The following SHISA9 variants were observed in gnomAD, a reference collection of about 807,000 sequenced individuals.
SHISA9 encodes shisa family member 9.
Under a neutral mutation model 38.0 loss-of-function variants are expected in SHISA9, and 13 were observed. That is an observed-to-expected ratio of 0.34 (90% CI 0.22 to 0.54). The LOEUF is 0.54. SHISA9 is among the 20% of genes least tolerant of loss of function. The probability of loss-of-function intolerance (pLI) is 0.91; values close to 1 mark genes in which losing one functional copy is unlikely to be tolerated. For missense variants in SHISA9, 538 were observed against 575.8 expected, an observed-to-expected ratio of 0.93 and a Z score of 0.67; for synonymous variants, 275 against 242.0, an observed-to-expected ratio of 1.14 and a Z score of -1.27.
intron 2 of SHISA9, among the ~76,000 whole-genome samples, chr16:13,052,266 G>C (rs1303748369): frequency 1.3e-5 from 2 of 152,186 alleles, no homozygotes; most frequent in African/African-American, 2.4e-5. Flanking sequence ...TAGTGATTTA[G>C]AGACATTTTC....
chr16:13,324,598 C>A, the SHISA9 span, among the ~76,000 whole-genome samples: 1 of 152,058 alleles, frequency 6.6e-6, no homozygotes, highest in African/African-American at 2.4e-5. Context: ...GCCTTGGTAG[C>A]ACAAACCTCT....
chr16:13,140,868 G>C (rs900932777), intron 2 of SHISA9, among the ~76,000 whole-genome samples: 1 of 152,160 alleles, frequency 6.6e-6, no homozygotes, highest in African/African-American at 2.4e-5. Context: ...GAGACTGGAT[G>C]TACAAAGTCA....
intron 2 of SHISA9, among the ~76,000 whole-genome samples, chr16:13,149,861 G>T (rs1368365896): frequency 1.3e-5 from 2 of 149,860 alleles, no homozygotes; most frequent in African/African-American, 4.9e-5. Flanking sequence ...GGAAGCAGAG[G>T]TTGCAGTGAG....
the SHISA9 span, among the ~76,000 whole-genome samples, chr16:13,518,253 G>A: frequency 6.6e-6 from 1 of 151,958 alleles, no homozygotes; most frequent in Non-Finnish European, 1.5e-5. Flanking sequence ...ACCTCCAAAT[G>A]CTCTCGGTGG....
the SHISA9 span, among the ~76,000 whole-genome samples, chr16:13,270,507 T>C: frequency 6.6e-6 from 1 of 152,198 alleles, no homozygotes; most frequent in African/African-American, 2.4e-5. Context: ...TATTTACAAT[T>C]AAATTGCATT....
chr16:13,104,542 T>C (rs1031759095), intron 2 of SHISA9, among the ~76,000 whole-genome samples: 4 of 152,210 alleles, frequency 2.6e-5, no homozygotes, highest in Non-Finnish European at 2.9e-5. Flanking sequence ...AATACTGATA[T>C]CTGCTACAAC....
chr16:13,222,083 G>C (rs1426341264), intron 4 of SHISA9, among the ~76,000 whole-genome samples: 1 of 152,040 alleles, frequency 6.6e-6, no homozygotes, highest in African/African-American at 2.4e-5. Context: ...GTGTGTGCAG[G>C]GGAACTCCCC....
chr16:13,523,945 GTAC>G, the SHISA9 span, among the ~76,000 whole-genome samples: 2 of 152,168 alleles, frequency 1.3e-5, no homozygotes, highest in African/African-American at 2.4e-5. Context: ...TAAGAGGAAA[GTAC>G]TACTATTATT....
intron 2 of SHISA9, among the ~76,000 whole-genome samples, chr16:12,939,783 C>T (rs889372834): frequency 6.6e-6 from 1 of 152,186 alleles, no homozygotes; most frequent in Admixed American, 6.5e-5. Flanking sequence ...TGGCATATAC[C>T]TGCTGTAGAT....
At chr16:13,427,525 A>G in the SHISA9 span, among the ~76,000 whole-genome samples, 2 of 152,226 alleles carry the variant, frequency 1.3e-5, no homozygotes, top group Admixed American at 1.3e-4. Flanking sequence ...TTAAAAAAGA[A>G]AAAAACAAAG....
At chr16:12,951,696 T>C (rs1411088598) in intron 2 of SHISA9, among the ~76,000 whole-genome samples, 2 of 152,154 alleles carry the variant, frequency 1.3e-5, no homozygotes, top group African/African-American at 2.4e-5. Context: ...GTGTCCTCTA[T>C]AGTTCAATTT....
chr16:13,508,709 TAAGAG>T, the SHISA9 span, among the ~76,000 whole-genome samples: 1 of 152,202 alleles, frequency 6.6e-6, no homozygotes, highest in Non-Finnish European at 1.5e-5. Flanking sequence ...TTAAACTCTT[TAAGAG>T]AAGAGACTCA....
At chr16:12,907,386 C>A (rs2071116374) in intron 1 of SHISA9, among the ~76,000 whole-genome samples, 1 of 146,810 alleles carries the variant, frequency 6.8e-6, no homozygotes, top group Non-Finnish European at 1.5e-5. Flanking sequence ...CATTTTCTTC[C>A]TTCCCTCTTC....
At chr16:13,021,914 T>G (rs958951718) in intron 2 of SHISA9, among the ~76,000 whole-genome samples, 1 of 152,226 alleles carries the variant, frequency 6.6e-6, no homozygotes, top group African/African-American at 2.4e-5. Context: ...ACACACTGCA[T>G]GGTTTTGAAA....
chr16:13,187,332 T>TCTTTTCTTTTC (rs747280269), intron 2 of SHISA9, among the ~76,000 whole-genome samples: 2 of 104,230 alleles, frequency 1.9e-5, no homozygotes, highest in Admixed American at 9.0e-5. Context: ...TCTTTTCTTT[T>TCTTTTCTTTTC]TTTTTTTTTT....
At chr16:13,161,080 T>C (rs150639083) in intron 2 of SHISA9, among the ~76,000 whole-genome samples, 43 of 152,322 alleles carry the variant, frequency 2.8e-4, no homozygotes, top group African/African-American at 9.6e-4. Context: ...CAAAGACTTA[T>C]GTATTTCAGT....
rs538177644 is a variant in SHISA9 at position 13,081,084 on chromosome 16, C to T, written c.692-122310C>T. ...GGGAATTAGCTTCAACATATGAATT[C>T]GGAGAGATACAAAAACATTCAAATC... On this transcript the variant is annotated intron_variant, in intron 2 of 4. Coordinates refer to ENST00000558583, the MANE Select transcript of SHISA9 (RefSeq NM_001145204.3). 5.3e-5 allele frequency among the ~76,000 whole-genome samples: 8 copies of T among 152,312 alleles called. No homozygotes were observed. In the East Asian group the frequency reaches 7.7e-4, roughly 15 times the overall value.
chr16:13,551,029 A>T, the SHISA9 span, among the ~76,000 whole-genome samples: 1 of 151,058 alleles, frequency 6.6e-6, no homozygotes, highest in African/African-American at 2.4e-5. Context: ...AGGCTGAGGC[A>T]AGGAGAATCG....
At chr16:12,943,252 G>C (rs1410556833) in intron 2 of SHISA9, among the ~76,000 whole-genome samples, 1 of 142,330 alleles carries the variant, frequency 7.0e-6, no homozygotes, top group Non-Finnish European at 1.5e-5. Flanking sequence ...AGGTTGAAGA[G>C]AATTATAATG....
Sources: allele counts gnomAD v4.1 joint callset (sites outside exome capture counted in the v4.1 genomes callset), GRCh38; gene constraint gnomAD v4.1.1; transcripts MANE v1.5; gene names NCBI Gene and HGNC (gene_info 2026-07-23, HGNC 2026-07-21).